MAP3K7: variants seen among roughly 807,000 people sequenced by gnomAD.
MAP3K7 encodes the protein TGF-beta activated kinase 1.
In MAP3K7, 21 loss-of-function variants were observed where a neutral mutation model predicts 84.8. The ratio of observed to expected loss-of-function variants is 0.25; its 90% CI spans 0.18 to 0.36. The LOEUF is 0.36. Among genes scored for constraint, MAP3K7 ranks in the 10% least tolerant of loss-of-function variants. The probability of loss-of-function intolerance (pLI) is 1.00; values close to 1 mark genes in which losing one functional copy is unlikely to be tolerated. For synonymous variants in MAP3K7, 241 were observed against 247.7 expected, an observed-to-expected ratio of 0.97 and a Z score of 0.25; for missense variants, 503 against 747.7, an observed-to-expected ratio of 0.67 and a Z score of 3.82.
chr6:90,516,464 T>G lies in MAP3K7; in HGVS notation c.*37A>C. 12 of 1,589,596 alleles carry G rather than the reference T, an allele frequency of 7.5e-6. No homozygotes were observed. The highest frequency in any genetic ancestry group is 1.0e-5 in the Non-Finnish European group (12 of 1,172,098). On this transcript the variant is annotated 3_prime_UTR_variant, in exon 17 of 17. Coordinates refer to ENST00000369329, the MANE Select transcript of MAP3K7 (RefSeq NM_145331.3). ...TTTCCTTTCCTTAAAAAAAAAGTCT[T>G]TCTTTGCATATTTCAAAATGTAACG... is the stretch of plus-strand genomic sequence containing the variant.
Position 90,523,747 on chromosome 6 carries a change from T to C in MAP3K7, c.1393A>G (p.Ile465Val). 6.2e-7 allele frequency: 1 copy of C among 1,613,006 alleles called. No individual in the cohort carries two copies. The highest frequency in any genetic ancestry group is 8.5e-7 in the Non-Finnish European group (1 of 1,179,282). Residue 465 changes from isoleucine (I) to valine (V), a missense_variant, in exon 14 of 17, where the codon ATT becomes GTT. Physicochemically the swap from Ile to Val is conservative, Grantham distance 29. Coordinates refer to ENST00000369329, the MANE Select transcript of MAP3K7 (RefSeq NM_145331.3). ...TCTGAGGTTGGTCCTGAGGTAGTAA[T>C]CATTCTGACACTGGGACTGGATGAC... is the stretch of plus-strand genomic sequence containing the variant. ...SRSSSPSVRM[I>V]TTSGPTSEKP... is the part of the protein sequence containing the mutation.
intron 5 of MAP3K7, among the ~76,000 whole-genome samples, chr6:90,558,835 G>A (rs981424311): frequency 1.3e-5 from 2 of 152,288 alleles, no homozygotes; most frequent in Middle Eastern, 3.4e-3. Flanking sequence ...ATACTGTAAC[G>A]AGGAGAAAAG....
At chr6:90,581,044 C>G (rs911697257) in intron 1 of MAP3K7, among the ~76,000 whole-genome samples, 1 of 151,980 alleles carries the variant, frequency 6.6e-6, no homozygotes, top group Non-Finnish European at 1.5e-5. Context: ...TTCCATGCAA[C>G]TACTATTGAA....
chr6:90,516,458 A>G lies in MAP3K7; in HGVS notation c.*43T>C, dbSNP rs762655225. ...TAAGGTTTTCCTTTCCTTAAAAAAA[A>G]AGTCTTTCTTTGCATATTTCAAAAT... On this transcript the variant is annotated 3_prime_UTR_variant, in exon 17 of 17. Coordinates refer to ENST00000369329, the MANE Select transcript of MAP3K7 (RefSeq NM_145331.3). 1 of 1,582,452 alleles carries G rather than the reference A, an allele frequency of 6.3e-7. No individual in the cohort carries two copies. Among genetic ancestry groups the G allele is most frequent in the Non-Finnish European group, 8.6e-7 (1 of 1,167,332 alleles).
intron 13 of MAP3K7, among the ~76,000 whole-genome samples, chr6:90,525,931 G>A (rs745354643): frequency 2.0e-5 from 3 of 149,736 alleles, no homozygotes; most frequent in African/African-American, 7.4e-5. Flanking sequence ...AGGAGGTATC[G>A]TCAAACTCCT....
intron 5 of MAP3K7, among the ~76,000 whole-genome samples, chr6:90,559,013 G>A (rs1385672869): frequency 6.6e-6 from 1 of 152,168 alleles, no homozygotes; most frequent in Non-Finnish European, 1.5e-5. Flanking sequence ...TGTTAATATA[G>A]TGGAAAAAGG....
intron 13 of MAP3K7, among the ~76,000 whole-genome samples, chr6:90,532,237 A>C (rs1242922926): frequency 2.0e-5 from 3 of 152,200 alleles, no homozygotes; most frequent in Non-Finnish European, 4.4e-5. Context: ...TCCTTATGAT[A>C]CAGAAAGAAC....
At chr6:90,578,606 A>C (rs549860716) in intron 1 of MAP3K7, among the ~76,000 whole-genome samples, 13 of 152,318 alleles carry the variant, frequency 8.5e-5, no homozygotes, top group African/African-American at 3.1e-4. Flanking sequence ...TAAACAAAAA[A>C]GAGTATAAGC....
chr6:90,585,561 A>T (rs1777417370), intron 1 of MAP3K7, among the ~76,000 whole-genome samples: 1 of 150,762 alleles, frequency 6.6e-6, no homozygotes, highest in Non-Finnish European at 1.5e-5. Context: ...TAGTATTTTC[A>T]ACCAAAGTTT....
intron 13 of MAP3K7, among the ~76,000 whole-genome samples, chr6:90,530,663 TA>T (rs1483559330): frequency 2.6e-5 from 4 of 152,102 alleles, no homozygotes; most frequent in African/African-American, 9.7e-5. Flanking sequence ...TGTATCTCAA[TA>T]AATAAAAATA....
intron 10 of MAP3K7, 129 bp from the exon 11 acceptor site, chr6:90,547,516 G>T: frequency 9.9e-7 from 1 of 1,008,984 alleles, no homozygotes; most frequent in Non-Finnish European, 1.4e-6. Flanking sequence ...GGAGAGGGAA[G>T]TTTGTACGAG....
chr6:90,569,595 A>G (rs1380212492), intron 2 of MAP3K7, among the ~76,000 whole-genome samples: 2 of 152,122 alleles, frequency 1.3e-5, no homozygotes. Flanking sequence ...ATCCTACCTC[A>G]GCCTCTGGAG....
intron 1 of MAP3K7, among the ~76,000 whole-genome samples, chr6:90,582,321 T>A (rs1777301053): frequency 1.3e-5 from 2 of 152,234 alleles, no homozygotes; most frequent in African/African-American, 4.8e-5. Flanking sequence ...GATGGGCATT[T>A]AATTCTTATG....
intron 13 of MAP3K7, among the ~76,000 whole-genome samples, chr6:90,536,093 G>A (rs746476870): frequency 2.6e-5 from 4 of 151,920 alleles, no homozygotes; most frequent in African/African-American, 4.8e-5. Context: ...TATATACAGC[G>A]CTAATGAACA....
chr6:90,536,276 A>G (rs1775674420), intron 13 of MAP3K7, 61 bp downstream of exon 13: 1 of 1,348,054 alleles, frequency 7.4e-7, no homozygotes, highest in Admixed American at 1.7e-5. Flanking sequence ...AGTAGAATAC[A>G]GTTAATTCTT....
intron 13 of MAP3K7, among the ~76,000 whole-genome samples, 191 bp downstream of exon 13, chr6:90,536,146 T>C (rs1458486246): frequency 6.6e-6 from 1 of 152,102 alleles, no homozygotes; most frequent in African/African-American, 2.4e-5. Context: ...TTTAATAAAT[T>C]ATCTTTCAAG....
Position 90,516,262 on chromosome 6 carries a change from T to C in MAP3K7, c.*239A>G, listed in dbSNP as rs1238988825. 14 of 544,044 alleles carry C rather than the reference T, an allele frequency of 2.6e-5. No individual in the cohort carries two copies. Among genetic ancestry groups the C allele is most frequent in the African/African-American group, 3.8e-5 (2 of 52,144 alleles). 33.7% of individuals were successfully genotyped at this position (544,044 alleles called of 1,614,324 possible). A position where few individuals can be genotyped will look rare whatever the true frequency, so the allele number is the denominator to read the frequency against. On this transcript the variant is annotated 3_prime_UTR_variant, in exon 17 of 17. Coordinates refer to ENST00000369329, the MANE Select transcript of MAP3K7 (RefSeq NM_145331.3). Reference sequence around the variant, plus strand: ...ACAGTTCACTGCATCTGTTTTGAAGTTGCAAAGTGCTGCTCATTCAAGTCA... The same window carrying C: ...ACAGTTCACTGCATCTGTTTTGAAGCTGCAAAGTGCTGCTCATTCAAGTCA...
In MAP3K7 at chr6:90,586,736, CGGCGTCTCCATGCCGGGCCT is replaced by C. The variant is rs758684915; in HGVS notation, c.120+8_120+27del. The C allele has an allele frequency of 1.6e-5, 25 of 1,557,312 alleles. No homozygotes were observed. The East Asian group carries it at 6.0e-4, about 38-fold the overall frequency. ...AGGCGGGGGCGGGGCAGGCCGGGAC[CGGCGTCTCCATGCCGGGCCT>C]CGCTCACCTCTTCCACCTCGATCTC... On this transcript the variant is annotated splice_region_variant and intron_variant, in intron 1 of 16. Coordinates refer to ENST00000369329, the MANE Select transcript of MAP3K7 (RefSeq NM_145331.3).
chr6:90,550,319 C>T (rs1776140024), intron 9 of MAP3K7, 149 bp downstream of exon 9: 4 of 524,248 alleles, frequency 7.6e-6, no homozygotes, highest in South Asian at 2.9e-5. Flanking sequence ...AAGAATGACG[C>T]ACCTGTAAAC....
Sources: gnomAD v4.1 joint callset for allele counts (sites outside exome capture counted in the v4.1 genomes callset) on GRCh38, gnomAD v4.1.1 for gene constraint, MANE v1.5 for transcripts, NCBI Gene and HGNC (gene_info 2026-07-23, HGNC 2026-07-21) for gene names.